The following NOL9 variants were observed in gnomAD, a reference collection of about 807,000 sequenced individuals.
NOL9 encodes the protein nucleolar protein 9, also known as polynucleotide 5'-hydroxyl-kinase NOL9.
NOL9 carries 28 observed loss-of-function variants against 67.9 expected under a neutral mutation model. The observed-to-expected ratio is 0.41, with a 90% CI of 0.31 to 0.57. The LOEUF is 0.57. Among genes scored for constraint, NOL9 ranks in the 20% least tolerant of loss-of-function variants. NOL9 has a pLI of 0.25. For synonymous variants in NOL9, 356 were observed against 352.2 expected, an observed-to-expected ratio of 1.01 and a Z score of -0.12; for missense variants, 777 against 897.0, an observed-to-expected ratio of 0.87 and a Z score of 1.71.
Position 6,533,310 on chromosome 1 carries a change from G to C in NOL9, c.1207C>G (p.Leu403Val). The change falls in exon 7 of 12, where the codon CTC becomes GTC. Residue 403 changes from leucine (L) to valine (V), a missense_variant. By Grantham distance (32) the Leu-to-Val change is conservative. Transcript: ENST00000377705. ...VFSAYKRESP[L>V]IVNTMGWVSD... ...ACCCATCCCATAGTGTTGACGATGA[G>C]AGGGGACTCTCTCTTGTAAGCGCTG... The C allele has an allele frequency of 6.2e-7, 1 of 1,608,760 alleles. No homozygotes were observed. The highest frequency in any genetic ancestry group is 1.3e-5 in the African/African-American group (1 of 74,886).
intron 6 of NOL9, among the ~76,000 whole-genome samples, chr1:6,540,478 C>T (rs1046485056): frequency 4.6e-5 from 7 of 152,084 alleles, no homozygotes; most frequent in East Asian, 1.9e-4. Context: ...AAACCACACC[C>T]GACTAATTTT....
intron 6 of NOL9, among the ~76,000 whole-genome samples, 199 bp from the exon 7 acceptor site, chr1:6,533,640 C>T (rs951442145): frequency 1.3e-5 from 2 of 152,248 alleles, no homozygotes; most frequent in Non-Finnish European, 2.9e-5. Flanking sequence ...GACATGCTCA[C>T]TTTCACATAA....
Position 6,525,663 on chromosome 1 carries a change from C to G in NOL9, c.*191G>C, listed in dbSNP as rs1297864638. 1 of 630,488 alleles carries G rather than the reference C, an allele frequency of 1.6e-6. No homozygotes were observed. The highest frequency in any genetic ancestry group is 2.8e-6 in the Non-Finnish European group (1 of 362,408). The allele number at this position is 630,488 out of a possible 1,614,324, so 39.1% of individuals were successfully genotyped here. On this transcript the variant is annotated 3_prime_UTR_variant, in exon 12 of 12. Coordinates refer to ENST00000377705, the MANE Select transcript of NOL9 (RefSeq NM_024654.5). ...ATGAGTATCACACAGAAGACTAGAA[C>G]AAATTCTAGCTCATGCAGCTTTAAA...
chr1:6,527,981 AG>A (rs1002788715), intron 10 of NOL9, among the ~76,000 whole-genome samples: 2 of 152,194 alleles, frequency 1.3e-5, no homozygotes, highest in African/African-American at 4.8e-5. Context: ...AGTACAGGCC[AG>A]GGGGAAAATC....
intron 9 of NOL9, 81 bp downstream of exon 9, chr1:6,531,887 G>A (rs1570045174): frequency 1.9e-6 from 2 of 1,036,560 alleles, no homozygotes; most frequent in East Asian, 2.4e-5. Flanking sequence ...TTATGTAGTG[G>A]TTAGGAGAGC....
chr1:6,538,058 A>T (rs1026567868), intron 6 of NOL9, among the ~76,000 whole-genome samples: 1 of 151,634 alleles, frequency 6.6e-6, no homozygotes, highest in African/African-American at 2.4e-5. Flanking sequence ...AAAATTTAAA[A>T]ATAAAAAAAT....
Position 6,554,254 on chromosome 1 carries a change from G to A in NOL9, c.249C>T (p.Pro83=), listed in dbSNP as rs377418312. The A allele has an allele frequency of 2.8e-5, 42 of 1,491,960 alleles. No homozygotes were observed. The African/African-American group carries it at 4.4e-4, about 16-fold the overall frequency. 92.4% of individuals were successfully genotyped at this position (1,491,960 alleles called of 1,614,324 possible). A position where few individuals can be genotyped will look rare whatever the true frequency, so the allele number is the denominator to read the frequency against. ...CCGGGGTCGGGCTAGGGATCGGGCT[G>A]GGGGTCGCGGTGTTGGGTCTCCGGG... ...AAARRPNTAT[P]SPIPSPTPAS... Residue 83 remains proline (P), a synonymous_variant, in exon 1 of 12, where the codon CCC becomes CCT. Coordinates refer to ENST00000377705, the MANE Select transcript of NOL9 (RefSeq NM_024654.5).
At position 6,525,135 on chromosome 1, in the gene NOL9, C is replaced by T. The variant is rs985023986; in HGVS notation, c.*719G>A. ...TGGGTCCAAATTTATATCTATCAAA[C>T]CCGTTTAAATTTTTCTTTTCTTTTT... On this transcript the variant is annotated 3_prime_UTR_variant, in exon 12 of 12. Coordinates refer to ENST00000377705, the MANE Select transcript of NOL9 (RefSeq NM_024654.5). The T allele has an allele frequency of 2.0e-5, 3 of 151,878 alleles. No homozygotes were observed. Among genetic ancestry groups the T allele is most frequent in the Non-Finnish European group, 2.9e-5 (2 of 67,988 alleles). The allele number at this position is 151,878 out of a possible 1,614,324, so 9.4% of individuals were successfully genotyped here.
intron 5 of NOL9, among the ~76,000 whole-genome samples, chr1:6,544,239 T>C (rs1442847813): frequency 6.6e-6 from 1 of 151,178 alleles, no homozygotes; most frequent in Non-Finnish European, 1.5e-5. Context: ...GCCCTGTTTG[T>C]GCCACTACAC....
chr1:6,530,609 G>A (rs1470110881), intron 9 of NOL9, among the ~76,000 whole-genome samples: 1 of 152,218 alleles, frequency 6.6e-6, no homozygotes, highest in Non-Finnish European at 1.5e-5. Flanking sequence ...CTCCAGGGGA[G>A]ATAACTCAGA....
chr1:6,543,519 G>C (rs1015923222), intron 5 of NOL9, among the ~76,000 whole-genome samples: 1 of 151,934 alleles, frequency 6.6e-6, no homozygotes, highest in Non-Finnish European at 1.5e-5. Context: ...TATTTATTTA[G>C]AGACACAGTG....
chr1:6,548,661 G>A (rs1283613383), intron 3 of NOL9: 3 of 253,692 alleles, frequency 1.2e-5, no homozygotes, highest in African/African-American at 4.5e-5. Flanking sequence ...ATTAAGACTC[G>A]TTAAAAATTA....
chr1:6,544,728 T>G (rs987060210), intron 5 of NOL9, 98 bp downstream of exon 5: 1 of 1,262,090 alleles, frequency 7.9e-7, no homozygotes, highest in Non-Finnish European at 1.1e-6. Flanking sequence ...GTATGTAATC[T>G]CTAGCTAGAA....
intron 7 of NOL9, among the ~76,000 whole-genome samples, chr1:6,533,047 C>G (rs1486036075): frequency 6.6e-6 from 1 of 152,154 alleles, no homozygotes; most frequent in Non-Finnish European, 1.5e-5. Flanking sequence ...GAGTGGCACA[C>G]GCCTGTGGTC....
At chr1:6,528,921 G>C (rs1045418693) in intron 10 of NOL9, 73 bp downstream of exon 10, 1 of 1,456,902 alleles carries the variant, frequency 6.9e-7, no homozygotes, top group East Asian at 2.3e-5. Flanking sequence ...ACAAGGTCAA[G>C]ACCAGTCATC....
chr1:6,544,551 C>CCG (rs1639377317), intron 5 of NOL9, among the ~76,000 whole-genome samples: 1 of 9,368 alleles, frequency 1.1e-4, no homozygotes, highest in Non-Finnish European at 9.9e-4. Context: ...GCACCCCCCC[C>CCG]CCGCCCCCCA....
At position 6,543,793 on chromosome 1, in the gene NOL9, T is replaced by C. The variant is rs568195491; in HGVS notation, c.977+1033A>G. On this transcript the variant is annotated intron_variant, in intron 5 of 11. Coordinates refer to ENST00000377705, the MANE Select transcript of NOL9 (RefSeq NM_024654.5). ...GAGTTCAAGACCAGCCTGGGCAACA[T>C]GGCAAGATCCTCTGTCTACAAAAGC... Among the ~76,000 whole-genome samples the C allele has an allele frequency of 1.4e-4, 22 of 152,058 alleles. No homozygotes were observed. In the South Asian group the frequency reaches 4.2e-3, roughly 29 times the overall value.
chr1:6,528,165 C>T (rs1638933149), intron 10 of NOL9, among the ~76,000 whole-genome samples: 1 of 152,066 alleles, frequency 6.6e-6, no homozygotes, highest in South Asian at 2.1e-4. Context: ...AATTTATTGA[C>T]CTCAGGAAAC....
chr1:6,538,027 GAACA>G (rs779957292), intron 6 of NOL9, among the ~76,000 whole-genome samples: 64 of 139,152 alleles, frequency 4.6e-4, no homozygotes, highest in Middle Eastern at 7.4e-3. Flanking sequence ...AGTAAAAACT[GAACA>G]AACAAATTCA....
Sources: gnomAD v4.1 joint callset for allele counts (sites outside exome capture counted in the v4.1 genomes callset) on GRCh38, gnomAD v4.1.1 for gene constraint, MANE v1.5 for transcripts, NCBI Gene and HGNC (gene_info 2026-07-23, HGNC 2026-07-21) for gene names.